The following UBASH3A variants were observed in gnomAD, a reference collection of about 807,000 sequenced individuals.
The protein encoded by UBASH3A is ubiquitin associated and SH3 domain containing A.
In UBASH3A, 63 loss-of-function variants were observed where a neutral mutation model predicts 73.5. The ratio of observed to expected loss-of-function variants is 0.86; its 90% confidence interval spans 0.70 to 1.06. The LOEUF (loss-of-function observed/expected upper bound fraction) is 1.06, where lower values mean the gene tolerates loss of function less well. Among genes scored for constraint, UBASH3A ranks in the 50% least tolerant of loss-of-function variants. UBASH3A has a pLI of 0.00. For missense variants in UBASH3A, 860 were observed against 859.0 expected (o/e 1.00, Z -0.02); for synonymous variants, 363 against 351.1 (o/e 1.03, Z -0.38).
chr21:42,430,569 C>T (rs1252418511), intron 8 of UBASH3A, among the ~76,000 whole-genome samples: 1 of 152,188 alleles, frequency 6.6e-6, no homozygotes. Flanking sequence ...GCCCAGGGGT[C>T]CTCCCTACCC....
intron 11 of UBASH3A, 81 bp from the exon 12 acceptor site, chr21:42,442,371 T>C (rs1394394374): frequency 1.2e-5 from 17 of 1,413,782 alleles, no homozygotes; most frequent in Non-Finnish European, 1.2e-5. Context: ...TGTGACGGTC[T>C]GAGATCTAAA....
At chr21:42,414,337 C>T (rs1436714500) in intron 5 of UBASH3A, among the ~76,000 whole-genome samples, 3 of 152,164 alleles carry the variant, frequency 2.0e-5, no homozygotes, top group South Asian at 2.1e-4. Context: ...ATTAGAAAGT[C>T]GCCCCCGGTC....
chr21:42,412,937 A>T, intron 3 of UBASH3A, 87 bp from the exon 4 acceptor site: 3 of 1,122,072 alleles, frequency 2.7e-6, no homozygotes, highest in Non-Finnish European at 4.0e-6. Context: ...ATCTCACTTT[A>T]ATTGCTGCCT....
rs139138633 is a variant in UBASH3A at position 42,413,171 on chromosome 21, G to A, written c.502G>A (p.Val168Ile). ...CTTCGTCAGTGGCAGCCCCGCAGAC[G>A]TCATCCGGGAATTCGCCATGACCTT... ...GFFVSGSPAD[V>I]IREFAMTFAT... The change falls in exon 4 of 15, where the codon GTC (valine) becomes ATC (isoleucine). Residue 168 changes from valine to isoleucine, a missense_variant. Transcript: ENST00000319294. The surrounding 1 kb of genome is among the most constrained non-coding windows in gnomAD (Gnocchi z 4.5). The A allele has an allele frequency of 3.4e-4, 541 of 1,614,220 alleles. 4 individuals carry two copies. In the African/African-American group the frequency reaches 4.3e-3, roughly 13 times the overall value.
chr21:42,433,594 G>C (rs1208582339), intron 9 of UBASH3A, among the ~76,000 whole-genome samples: 1 of 152,208 alleles, frequency 6.6e-6, no homozygotes, highest in Non-Finnish European at 1.5e-5. Flanking sequence ...TTTAGAGGGG[G>C]ATCACAGATG....
Position 42,447,243 on chromosome 21 carries a change from T to A in UBASH3A, c.*49T>A. ...CCTCAGAGTGGAGAGGCAGAAACCA[T>A]GTGCAGAGGCTGGGAGATGCTGCTG... On this transcript the variant is annotated 3_prime_UTR_variant, in exon 15 of 15. Coordinates refer to ENST00000319294, the MANE Select transcript of UBASH3A (RefSeq NM_018961.4). 2 of 1,586,866 alleles carry A rather than the reference T, an allele frequency of 1.3e-6. No individual in the cohort carries two copies. The highest frequency in any genetic ancestry group is 1.7e-6 in the Non-Finnish European group (2 of 1,166,934).
rs546330664 is a variant in UBASH3A at position 42,440,342 on chromosome 21, A to C, written c.1487-2110A>C. Among the ~76,000 whole-genome samples the C allele has an allele frequency of 2.0e-5, 3 of 152,304 alleles. No homozygotes were observed. The East Asian group carries it at 5.8e-4, about 29-fold the overall frequency. On this transcript the variant is annotated intron_variant, in intron 11 of 14. Transcript: ENST00000319294. ...TTCAGTGTGAGGGTGGCTCTTAATA[A>C]CTATGATGGAATAAAGCAAAATTGA...
At chr21:42,415,415 C>T (rs1044399268) in intron 5 of UBASH3A, among the ~76,000 whole-genome samples, 11 of 152,212 alleles carry the variant, frequency 7.2e-5, no homozygotes, top group African/African-American at 2.2e-4. Context: ...TCCTAGAGAC[C>T]GTGGGAGCTT....
intron 5 of UBASH3A, among the ~76,000 whole-genome samples, chr21:42,414,196 C>T (rs2053158044): frequency 6.6e-6 from 1 of 152,226 alleles, no homozygotes; most frequent in African/African-American, 2.4e-5. Flanking sequence ...CCCACTTTCT[C>T]TCTCTGGGAG....
At chr21:42,433,362 G>A (rs1278886555) in intron 9 of UBASH3A, among the ~76,000 whole-genome samples, 3 of 152,168 alleles carry the variant, frequency 2.0e-5, no homozygotes, top group East Asian at 1.9e-4. Context: ...AGATTTGGGG[G>A]GCTCTACTGG....
rs1048608783 is a variant in UBASH3A, at chr21:42,437,755, G to A, written c.1486+175G>A. ...GGATGCTGGCAGGCATGCTGGGTCC[G>A]TGAGCGTGTCTGGAATACCAGGACC... On this transcript the variant is annotated intron_variant, in intron 11 of 14. Coordinates refer to ENST00000319294, the MANE Select transcript of UBASH3A (RefSeq NM_018961.4). Among the ~76,000 whole-genome samples the A allele has an allele frequency of 2.6e-5, 4 of 152,334 alleles. No individual in the cohort carries two copies. The South Asian group carries it at 6.2e-4, about 24-fold the overall frequency.
At chr21:42,420,641 C>T (rs996235593) in intron 7 of UBASH3A, among the ~76,000 whole-genome samples, 2 of 152,166 alleles carry the variant, frequency 1.3e-5, no homozygotes, top group Non-Finnish European at 2.9e-5. Flanking sequence ...CCTACTTAGG[C>T]TGAAAACCCA....
chr21:42,437,907 T>C (rs2053657193), intron 11 of UBASH3A, among the ~76,000 whole-genome samples: 1 of 152,218 alleles, frequency 6.6e-6, no homozygotes, highest in Admixed American at 6.5e-5. Flanking sequence ...CCTTGAGAGC[T>C]GGGAACTGCT....
intron 9 of UBASH3A, 52 bp from the exon 10 acceptor site, chr21:42,434,780 A>G: frequency 6.4e-7 from 1 of 1,573,502 alleles, no homozygotes; most frequent in Non-Finnish European, 8.6e-7. Flanking sequence ...TTGTGGAACA[A>G]ATCTGTACTA....
chr21:42,411,645 T>A (rs1189113984), intron 3 of UBASH3A, among the ~76,000 whole-genome samples: 1 of 152,048 alleles, frequency 6.6e-6, no homozygotes, highest in African/African-American at 2.4e-5. Flanking sequence ...CTCCTCCCAG[T>A]CCCCCACCCC....
At chr21:42,437,976 G>A (rs920964803) in intron 11 of UBASH3A, among the ~76,000 whole-genome samples, 2 of 152,182 alleles carry the variant, frequency 1.3e-5, no homozygotes, top group African/African-American at 4.8e-5. Flanking sequence ...CTGGGCCAGT[G>A]GAGCTGTCCA....
intron 7 of UBASH3A, among the ~76,000 whole-genome samples, chr21:42,426,080 T>C (rs1173676229): frequency 1.3e-5 from 2 of 152,120 alleles, no homozygotes; most frequent in East Asian, 3.8e-4. Flanking sequence ...GGCTGGCAGA[T>C]GGGAGACCCT....
At chr21:42,438,711 AG>A (rs2053673054) in intron 11 of UBASH3A, among the ~76,000 whole-genome samples, 1 of 152,104 alleles carries the variant, frequency 6.6e-6, no homozygotes, top group Non-Finnish European at 1.5e-5. Flanking sequence ...TGCAGGAGAA[AG>A]GAGGTGATCT....
chr21:42,407,739 T>C (rs1446469608), intron 2 of UBASH3A, among the ~76,000 whole-genome samples: 2 of 152,224 alleles, frequency 1.3e-5, no homozygotes, highest in Admixed American at 1.3e-4. Context: ...CCCACCAGCC[T>C]CCGTCGTGCG....
Sources: gnomAD v4.1 joint callset for allele counts (sites outside exome capture counted in the v4.1 genomes callset) on GRCh38, gnomAD v4.1.1 for gene constraint, Gnocchi (gnomAD v3.1) non-coding constraint, MANE v1.5 for transcripts, NCBI Gene and HGNC (gene_info 2026-07-23, HGNC 2026-07-21) for gene names.